The following PGK1 variants were observed in gnomAD, a reference collection of about 807,000 sequenced individuals.
PGK1 encodes the protein phosphoglycerate kinase 1.
PGK1 carries 3 observed loss-of-function variants against 26.9 expected under a neutral mutation model. That is an observed-to-expected ratio of 0.11 (90% CI 0.05 to 0.29). The LOEUF (loss-of-function observed/expected upper bound fraction) is 0.29, where lower values mean the gene tolerates loss of function less well. Among genes scored for constraint, PGK1 ranks in the 10% least tolerant of loss-of-function variants. PGK1 has a pLI of 1.00. For synonymous variants in PGK1, 125 were observed against 115.3 expected (o/e 1.08, Z -0.54); for missense variants, 270 against 314.7 (o/e 0.86, Z 1.07).
intron 9 of PGK1, 131 bp from the exon 10 acceptor site, chrX:78,125,196 C>T: frequency 1.4e-6 from 1 of 725,428 alleles, no homozygotes; most frequent in East Asian, 3.3e-5. Context: ...AGAGGAGCCT[C>T]TTGGTAAGAT....
At chrX:78,109,150 C>T (rs2078287174) in intron 1 of PGK1, among the ~76,000 whole-genome samples, 1 of 110,995 alleles carries the variant, frequency 9.0e-6, no homozygotes, top group African/African-American at 3.3e-5. Flanking sequence ...TGATTACTTC[C>T]CTTCTAATTT....
intron 6 of PGK1, 73 bp downstream of exon 6, chrX:78,118,243 T>G: frequency 9.5e-7 from 1 of 1,056,776 alleles, no homozygotes; most frequent in Non-Finnish European, 1.3e-6. Context: ...GGGTGGTTTA[T>G]TGTCATATAG....
intron 2 of PGK1, among the ~76,000 whole-genome samples, chrX:78,111,258 A>G (rs1417373966): frequency 9.1e-6 from 1 of 109,926 alleles, no homozygotes; most frequent in Non-Finnish European, 1.9e-5. Flanking sequence ...CTACTTTTTC[A>G]TATTTTTTTT....
intron 2 of PGK1, among the ~76,000 whole-genome samples, chrX:78,110,635 T>C (rs2078296219): frequency 9.1e-6 from 1 of 109,821 alleles, no homozygotes; most frequent in Non-Finnish European, 1.9e-5. Context: ...AATATAAAAA[T>C]TTAAGGTTAC....
At chrX:78,109,462 A>C (rs2078288842) in intron 1 of PGK1, among the ~76,000 whole-genome samples, 1 of 111,095 alleles carries the variant, frequency 9.0e-6, no homozygotes, top group Admixed American at 9.6e-5. Context: ...GCCCAGACAG[A>C]TATCTTTTTA....
chrX:78,114,317 C>T (rs374942238), intron 4 of PGK1, among the ~76,000 whole-genome samples, 157 bp downstream of exon 4: 1 of 112,061 alleles, frequency 8.9e-6, no homozygotes, highest in African/African-American at 3.2e-5. Flanking sequence ...AAAGTAAACA[C>T]ACTTGTGTAA....
chrX:78,120,082 AC>A (rs3216594), intron 6 of PGK1, among the ~76,000 whole-genome samples: 30,012 of 110,862 alleles, frequency 0.27, 3,124 homozygotes, highest in East Asian at 0.38. Context: ...AATAGCTGTT[AC>A]GGGGAATTGG....
intron 1 of PGK1, among the ~76,000 whole-genome samples, chrX:78,108,018 C>A (rs1179344750): frequency 9.1e-6 from 1 of 109,623 alleles, no homozygotes; most frequent in African/African-American, 3.3e-5. Context: ...CAAGTAGAAT[C>A]TGTAGGCAAG....
intron 1 of PGK1, among the ~76,000 whole-genome samples, chrX:78,107,962 GAAAA>G (rs146163611): frequency 1.3e-5 from 1 of 74,840 alleles, no homozygotes; most frequent in African/African-American, 4.5e-5. Context: ...ATAAGGAAAC[GAAAA>G]AAAAAAAAAA....
chrX:78,104,577 T>G (rs781896566), intron 1 of PGK1, among the ~76,000 whole-genome samples, 172 bp downstream of exon 1: 1 of 111,099 alleles, frequency 9.0e-6, no homozygotes, highest in Non-Finnish European at 1.9e-5. Flanking sequence ...CTAGCCGCAT[T>G]TTCCCCAGCC....
chrX:78,107,955 A>C (rs2078279742), intron 1 of PGK1, among the ~76,000 whole-genome samples: 1 of 106,440 alleles, frequency 9.4e-6, no homozygotes, highest in African/African-American at 3.7e-5. Flanking sequence ...GGGTGTTATA[A>C]GGAAACGAAA....
chrX:78,107,138 T>C (rs910523245), intron 1 of PGK1, among the ~76,000 whole-genome samples: 2 of 111,732 alleles, frequency 1.8e-5, no homozygotes, highest in Admixed American at 9.5e-5. Context: ...TTTTTTAATG[T>C]TTTATTTTGA....
intron 6 of PGK1, 61 bp from the exon 7 acceptor site, chrX:78,122,774 A>G (rs2078362553): frequency 1.5e-6 from 1 of 666,463 alleles, no homozygotes; most frequent in Non-Finnish European, 2.5e-6. Flanking sequence ...CTCAGTTTCT[A>G]TGTAATACCA....
intron 4 of PGK1, among the ~76,000 whole-genome samples, chrX:78,116,023 T>A (rs1190984082): frequency 2.2e-5 from 2 of 91,002 alleles, no homozygotes; most frequent in East Asian, 7.2e-4. Flanking sequence ...TGACCTTTAC[T>A]TTTTTTTTTT....
intron 8 of PGK1, among the ~76,000 whole-genome samples, chrX:78,123,759 C>T (rs958581662): frequency 9.1e-6 from 1 of 110,014 alleles, no homozygotes; most frequent in African/African-American, 3.3e-5. Flanking sequence ...CAGGTGTGCA[C>T]CACCATGCCC....
At position 78,109,890 on chromosome X, in the gene PGK1, A is replaced by C. The variant is rs1569550773; in HGVS notation, c.89A>C (p.Lys30Thr). ...VMRVDFNVPMKNNQITNNQRI... is the reference protein window; with the variant it reads ...VMRVDFNVPMTNNQITNNQRI... ...AGAGTCGACTTCAATGTTCCTATGA[A>C]GAACAACCAGATAACAAACAACCAG... The change falls in exon 2 of 11, where the codon AAG becomes ACG. Residue 30 changes from lysine (K) to threonine (T), a missense_variant. Transcript: ENST00000373316. 8.3e-7 allele frequency: 1 copy of C among 1,197,997 alleles called. No individual in the cohort carries two copies.
Position 78,104,363 on chromosome X carries a change from C to T in PGK1, c.23C>T (p.Thr8Met), listed in dbSNP as rs1336852468. 5 of 1,206,701 alleles carry T rather than the reference C, an allele frequency of 4.1e-6. No individual in the cohort carries two copies. In the East Asian group the frequency reaches 8.9e-5, roughly 21 times the overall value. The change falls in exon 1 of 11, where the codon ACG (threonine) becomes ATG (methionine). Residue 8 changes from threonine (T) to methionine (M), a missense_variant. By Grantham distance (81) the Thr-to-Met change is moderately conservative. Coordinates refer to ENST00000373316, the MANE Select transcript of PGK1 (RefSeq NM_000291.4). MSLSNKL[T>M]LDKLDVKGKR... ...AAAATGTCGCTTTCTAACAAGCTGA[C>T]GCTGGACAAGCTGGACGTTAAAGGG... is the stretch of plus-strand genomic sequence containing the variant.
intron 1 of PGK1, among the ~76,000 whole-genome samples, chrX:78,104,863 A>G (rs2078262362): frequency 9.0e-6 from 1 of 111,387 alleles, no homozygotes; most frequent in Non-Finnish European, 1.9e-5. Flanking sequence ...CCTGCACAAA[A>G]GGATATTTTT....
chrX:78,104,924 A>C (rs1196119362), intron 1 of PGK1, among the ~76,000 whole-genome samples: 2 of 111,783 alleles, frequency 1.8e-5, no homozygotes, highest in African/African-American at 6.5e-5. Flanking sequence ...GCCCCCCGCC[A>C]CTAAAGAATT....
Sources: allele counts gnomAD v4.1 joint callset (sites outside exome capture counted in the v4.1 genomes callset), GRCh38; gene constraint gnomAD v4.1.1; transcripts MANE v1.5; gene names NCBI Gene and HGNC (gene_info 2026-07-23, HGNC 2026-07-21).